The following SEMA3D variants were observed in gnomAD, a reference collection of about 807,000 sequenced individuals.
SEMA3D encodes the protein semaphorin-3D.
A neutral mutation model predicts 100.1 loss-of-function variants in SEMA3D; 84 were observed. The observed-to-expected ratio is 0.84, with a 90% CI of 0.70 to 1.01. SEMA3D has a LOEUF of 1.01. Ranked by LOEUF, SEMA3D falls within the 50% of genes least tolerant of loss-of-function variation. The probability of loss-of-function intolerance (pLI) is 0.00; values close to 1 mark genes in which losing one functional copy is unlikely to be tolerated. For synonymous variants in SEMA3D, 312 were observed against 320.7 expected, an observed-to-expected ratio of 0.97 and a Z score of 0.29; for missense variants, 875 against 934.1, an observed-to-expected ratio of 0.94 and a Z score of 0.82.
At chr7:85,190,154 C>A (rs1243729666), upstream of SEMA3D, among the ~76,000 whole-genome samples, 2 of 152,062 alleles carry the variant, frequency 1.3e-5, no homozygotes, top group African/African-American at 4.8e-5. Context: ...TCCTAGTTCT[C>A]TCTGAACAGT....
chr7:85,081,377 A>G, intron 5 of SEMA3D, 140 bp downstream of exon 5: 4 of 538,350 alleles, frequency 7.4e-6, no homozygotes, highest in Non-Finnish European at 1.3e-5. Flanking sequence ...TTTATTCCAC[A>G]TTAATATTCA....
At chr7:85,167,407 T>C (rs1312636730) in intron 1 of SEMA3D, 1 of 983,568 alleles carries the variant, frequency 1.0e-6, no homozygotes, top group Non-Finnish European at 1.2e-6. Flanking sequence ...GTGGTTGTGT[T>C]ATAAATTTTC....
At chr7:85,025,092 G>A (rs1281108627) in intron 12 of SEMA3D, among the ~76,000 whole-genome samples, 1 of 151,878 alleles carries the variant, frequency 6.6e-6, no homozygotes, top group Admixed American at 6.6e-5. Context: ...GTTTTTCTCC[G>A]TATGTATGTA....
At chr7:85,075,312 A>G (rs552681138) in intron 5 of SEMA3D, among the ~76,000 whole-genome samples, 1 of 152,078 alleles carries the variant, frequency 6.6e-6, no homozygotes, top group East Asian at 1.9e-4. Flanking sequence ...CAGATTTTAA[A>G]TTATGGAGTC....
chr7:85,226,771 G>A, the SEMA3D span, among the ~76,000 whole-genome samples: 2 of 152,074 alleles, frequency 1.3e-5, no homozygotes, highest in South Asian at 4.1e-4. Flanking sequence ...TGTTTAAAGT[G>A]AGGGTTAAAC....
chr7:85,037,462 G>C lies in SEMA3D; in HGVS notation c.1047-429C>G, dbSNP rs372635110. ...TATTATGGCATAATGCCTTCCAAAGGCTTACAAAATAAAAAGTGACATTAT... is the reference window on the plus strand; with the variant it reads ...TATTATGGCATAATGCCTTCCAAAGCCTTACAAAATAAAAAGTGACATTAT... On this transcript the variant is annotated intron_variant, in intron 11 of 18. Coordinates refer to ENST00000284136, the MANE Select transcript of SEMA3D (RefSeq NM_001384900.1). Among the ~76,000 whole-genome samples, 118 of 151,936 alleles carry C rather than the reference G, an allele frequency of 7.8e-4. 1 individual carries two copies. The South Asian group carries it at 0.023, about 30-fold the overall frequency.
At chr7:85,146,982 A>G (rs1363860201) in intron 2 of SEMA3D, among the ~76,000 whole-genome samples, 1 of 152,092 alleles carries the variant, frequency 6.6e-6, no homozygotes, top group Non-Finnish European at 1.5e-5. Context: ...TCATTCCTCC[A>G]GAGAATGGGC....
At chr7:85,051,497 TTTCTC>T (rs1241410243) in intron 9 of SEMA3D, among the ~76,000 whole-genome samples, 9 of 152,052 alleles carry the variant, frequency 5.9e-5, no homozygotes, top group Admixed American at 2.6e-4. Flanking sequence ...TGCAGACACT[TTTCTC>T]TTCTATTTCC....
chr7:85,234,710 TAAAAG>T, the SEMA3D span, among the ~76,000 whole-genome samples: 597 of 152,266 alleles, frequency 3.9e-3, 3 homozygotes, highest in African/African-American at 0.014. Flanking sequence ...AGAATAATGA[TAAAAG>T]AAAATAACAG....
At position 85,119,025 on chromosome 7, in the gene SEMA3D, G is replaced by A. The variant is rs149235641; in HGVS notation, c.151+2716C>T. 9.1e-3 allele frequency among the ~76,000 whole-genome samples: 1,384 copies of A among 151,860 alleles called. 21 individuals are homozygous for A. The highest frequency in any genetic ancestry group is 0.032 in the African/African-American group (1,314 of 41,412). ...GTGAAAAAAAAAACTCAACATCATT[G>A]ATCATTACAGAAATACAAATCAAAA... is the stretch of plus-strand genomic sequence containing the variant. On this transcript the variant is annotated intron_variant, in intron 3 of 18. Coordinates refer to ENST00000284136, the MANE Select transcript of SEMA3D (RefSeq NM_001384900.1).
chr7:85,217,016 T>C, the SEMA3D span, among the ~76,000 whole-genome samples: 1 of 152,222 alleles, frequency 6.6e-6, no homozygotes, highest in South Asian at 2.1e-4. Flanking sequence ...ATGTTAACTA[T>C]TTTATTATTC....
upstream of SEMA3D, among the ~76,000 whole-genome samples, chr7:85,190,880 A>C (rs992574046): frequency 3.3e-5 from 5 of 152,120 alleles, no homozygotes; most frequent in Admixed American, 6.6e-5. Flanking sequence ...AAAACCTTCT[A>C]TCCCTCATGT....
intron 1 of SEMA3D, among the ~76,000 whole-genome samples, chr7:85,183,374 T>G (rs1410942968): frequency 1.3e-5 from 2 of 152,188 alleles, no homozygotes; most frequent in East Asian, 3.9e-4. Context: ...GCAATATCCT[T>G]TTTAGTTTTG....
intron 9 of SEMA3D, among the ~76,000 whole-genome samples, chr7:85,049,047 TC>T (rs1394145600): frequency 6.6e-6 from 1 of 151,694 alleles, no homozygotes; most frequent in African/African-American, 2.4e-5. Flanking sequence ...TACTTAGGAT[TC>T]CCCCCAAAAT....
chr7:85,047,080 G>C (rs1366031930), intron 9 of SEMA3D, among the ~76,000 whole-genome samples: 1 of 151,718 alleles, frequency 6.6e-6, no homozygotes, highest in African/African-American at 2.4e-5. Flanking sequence ...AATTTGGGTG[G>C]TAAGTACAGA....
intron 6 of SEMA3D, among the ~76,000 whole-genome samples, chr7:85,070,906 G>A (rs1441822760): frequency 6.6e-6 from 1 of 152,144 alleles, no homozygotes; most frequent in African/African-American, 2.4e-5. Context: ...TCAGCCTTCA[G>A]AGTAGCTGGG....
chr7:85,143,350 T>C (rs1256784369), intron 2 of SEMA3D: 1 of 298,992 alleles, frequency 3.3e-6, no homozygotes, highest in East Asian at 1.7e-4. Context: ...AAATTTGTCA[T>C]TAGGTGATTT....
At chr7:85,189,347 G>T (rs149810907), upstream of SEMA3D, among the ~76,000 whole-genome samples, 3 of 151,934 alleles carry the variant, frequency 2.0e-5, no homozygotes, top group African/African-American at 7.3e-5. Flanking sequence ...ACTGTATAGG[G>T]TCCCACCAAG....
At position 85,105,435 on chromosome 7, in the gene SEMA3D, C is replaced by T. The variant is rs529863426; in HGVS notation, c.152-7470G>A. Among the ~76,000 whole-genome samples the T allele has an allele frequency of 7.9e-5, 12 of 152,124 alleles. No homozygotes were observed. In the South Asian group the frequency reaches 1.7e-3, roughly 21 times the overall value. ...TCTGAGGCTTGAGATCATGTGAAAACGTTCTGTTTATCAAGATAACTCATA... is the reference window on the plus strand; with the variant it reads ...TCTGAGGCTTGAGATCATGTGAAAATGTTCTGTTTATCAAGATAACTCATA... On this transcript the variant is annotated intron_variant, in intron 3 of 18. Transcript: ENST00000284136.
Sources: allele counts gnomAD v4.1 joint callset (sites outside exome capture counted in the v4.1 genomes callset), GRCh38; gene constraint gnomAD v4.1.1; transcripts MANE v1.5; gene names NCBI Gene and HGNC (gene_info 2026-07-23, HGNC 2026-07-21).